Variants in VCAM1 observed in about 807,000 individuals in gnomAD.
The protein encoded by VCAM1 is vascular cell adhesion molecule 1, also known as vascular cell adhesion protein 1.
A neutral mutation model predicts 63.8 loss-of-function variants in VCAM1; 41 were observed. The ratio of observed to expected loss-of-function variants is 0.64; its 90% CI spans 0.50 to 0.83. VCAM1 has a LOEUF of 0.83. Ranked by LOEUF, VCAM1 falls within the 40% of genes least tolerant of loss-of-function variation. VCAM1 has a pLI of 0.00. For synonymous variants in VCAM1, 338 were observed against 320.7 expected (o/e 1.05, Z -0.58); for missense variants, 798 against 875.5 (o/e 0.91, Z 1.12).
rs745861809 is a variant in VCAM1 at position 100,724,757 on chromosome 1, G to A, written c.795G>A (p.Gly265=). The stretch of plus-strand genomic sequence containing the variant: ...TCTGGAGTAAGAAATTAGATAATGG[G>A]AATCTACAGCACCTTTCTGGAAATG... The part of the protein sequence containing the change: ...EIFWSKKLDN[G]NLQHLSGNAT... Residue 265 remains glycine (G), a synonymous_variant, in exon 4 of 9, where the codon GGG becomes GGA. Coordinates refer to ENST00000294728, the MANE Select transcript of VCAM1 (RefSeq NM_001078.4). 6.2e-7 allele frequency: 1 copy of A among 1,612,996 alleles called. No individual in the cohort carries two copies. The highest frequency in any genetic ancestry group is 8.5e-7 in the Non-Finnish European group (1 of 1,179,432).
Position 100,731,765 on chromosome 1 carries a change from A to C in VCAM1, c.1525+247A>C, listed in dbSNP as rs1660465390. Among the ~76,000 whole-genome samples the C allele has an allele frequency of 6.6e-6, 1 of 152,172 alleles. No individual in the cohort carries two copies. Among genetic ancestry groups the C allele is most frequent in the South Asian group, 2.1e-4 (1 of 4,828 alleles). On this transcript the variant is annotated intron_variant, in intron 6 of 8. Coordinates refer to ENST00000294728, the MANE Select transcript of VCAM1 (RefSeq NM_001078.4). This position sits in a 1 kb window ranked among gnomAD's most constrained non-coding sequence, Gnocchi z 4.2. ...GACCAGCTAGGCAGTTATTCTGTTC[A>C]ATATGGTATTAGCTGAGCTCACTCG...
Position 100,731,121 on chromosome 1 carries a change from C to T in VCAM1, c.1205-77C>T. Reference sequence around the variant, plus strand: ...TGACTTAAAGCTGTCATTTTTAGGCCTTTACATTTAATAAAGCTTAGCTCA... The same window carrying T: ...TGACTTAAAGCTGTCATTTTTAGGCTTTTACATTTAATAAAGCTTAGCTCA... On this transcript the variant is annotated intron_variant, in intron 5 of 8. Transcript: ENST00000294728. This position sits in a 1 kb window ranked among gnomAD's most constrained non-coding sequence, Gnocchi z 4.2. 1.4e-6 allele frequency: 2 copies of T among 1,447,620 alleles called. No individual in the cohort carries two copies. Among genetic ancestry groups the T allele is most frequent in the Non-Finnish European group, 1.8e-6 (2 of 1,084,342 alleles). 89.7% of individuals were successfully genotyped at this position (1,447,620 alleles called of 1,614,324 possible). A position where few individuals can be genotyped will look rare whatever the true frequency, so the allele number is the denominator to read the frequency against.
chr1:100,734,539 T>G lies in VCAM1; in HGVS notation c.1830T>G (p.Ser610=). The change falls in exon 8 of 9, where the codon TCT becomes TCG. Residue 610 remains serine, a synonymous_variant. Transcript: ENST00000294728. ...ACATAAAACTTACAGCTTTTCCTTCTGAGAGTGTCAAAGAAGGAGACACTG... is the reference window on the plus strand; with the variant it reads ...ACATAAAACTTACAGCTTTTCCTTCGGAGAGTGTCAAAGAAGGAGACACTG... The part of the protein sequence containing the change: ...PKDIKLTAFP[S]ESVKEGDTVI... 6.2e-7 allele frequency: 1 copy of G among 1,613,738 alleles called. No individual in the cohort carries two copies. Among genetic ancestry groups the G allele is most frequent in the Admixed American group, 1.7e-5 (1 of 59,946 alleles).
At chr1:100,720,899 G>A in intron 2 of VCAM1, 148 bp downstream of exon 2, 1 of 976,912 alleles carries the variant, frequency 1.0e-6, no homozygotes, top group Non-Finnish European at 1.4e-6. Flanking sequence ...GCTAGGGACA[G>A]CTAAGGCCAA....
chr1:100,720,001 G>A (rs1026365771), intron 1 of VCAM1, 77 bp downstream of exon 1: 2 of 1,495,904 alleles, frequency 1.3e-6, no homozygotes, highest in Non-Finnish European at 1.8e-6. Context: ...TCAGTTTTGC[G>A]ATAGTAGTGA....
intron 1 of VCAM1, among the ~76,000 whole-genome samples, 197 bp downstream of exon 1, chr1:100,720,121 A>G (rs555075908): frequency 1.3e-5 from 2 of 152,200 alleles, no homozygotes; most frequent in African/African-American, 4.8e-5. Context: ...AGAGCTGAAA[A>G]TTGATGTTTT....
In VCAM1 at chr1:100,732,503, G is replaced by C. The variant is rs1336485817; in HGVS notation, c.1611G>C (p.Gln537His). ...CTGTGAATATGACATGCTTGAGCCAGGGCTTTCCTGCTCCGAAAATCCTGT... is the reference window on the plus strand; with the variant it reads ...CTGTGAATATGACATGCTTGAGCCACGGCTTTCCTGCTCCGAAAATCCTGT... ...GSSVNMTCLS[Q>H]GFPAPKILWS... is the part of the protein sequence containing the mutation. Residue 537 changes from glutamine to histidine, a missense_variant, in exon 7 of 9, where the codon CAG becomes CAC. Coordinates refer to ENST00000294728, the MANE Select transcript of VCAM1 (RefSeq NM_001078.4). 2.5e-6 allele frequency: 4 copies of C among 1,613,172 alleles called. No individual in the cohort carries two copies. The highest frequency in any genetic ancestry group is 3.4e-6 in the Non-Finnish European group (4 of 1,179,640).
chr1:100,730,702 G>A (rs1342839023), intron 5 of VCAM1, among the ~76,000 whole-genome samples: 1 of 152,086 alleles, frequency 6.6e-6, no homozygotes, highest in Non-Finnish European at 1.5e-5. Context: ...TAGGTATAAT[G>A]TGTGAAGAAA....
At position 100,723,252 on chromosome 1, in the gene VCAM1, A is replaced by T. The variant is rs773850624; in HGVS notation, c.573A>T (p.Lys191Asn). ...CTCCTGTCATTGAGGATATTGGAAA[A>T]GTTCTTGTTTGCCGAGCTAAATTAC... ...TFTPVIEDIG[K>N]VLVCRAKLHI... Residue 191 changes from lysine to asparagine, a missense_variant, in exon 3 of 9, where the codon AAA (lysine) becomes AAT (asparagine). Transcript: ENST00000294728. 1.2e-6 allele frequency: 2 copies of T among 1,612,984 alleles called. No individual in the cohort carries two copies. Among genetic ancestry groups the T allele is most frequent in the African/African-American group, 1.3e-5 (1 of 74,828 alleles).
intron 7 of VCAM1, 131 bp from the exon 8 acceptor site, chr1:100,734,371 C>A (rs868333994): frequency 1.3e-4 from 121 of 967,928 alleles, no homozygotes; most frequent in Admixed American, 5.1e-4. Flanking sequence ...TCTTTACTTG[C>A]CCTTCTTAAC....
intron 2 of VCAM1, 100 bp downstream of exon 2, chr1:100,720,851 T>G (rs1659931774): frequency 8.2e-6 from 11 of 1,346,974 alleles, no homozygotes; most frequent in Non-Finnish European, 1.1e-5. Context: ...GATATTCATG[T>G]ACAGATTCTT....
rs1201815592 is a variant in VCAM1 at position 100,729,135 on chromosome 1, T to C, written c.957T>C (p.Pro319=). The C allele has an allele frequency of 1.2e-6, 2 of 1,605,116 alleles. No individual in the cohort carries two copies. Among genetic ancestry groups the C allele is most frequent in the South Asian group, 1.1e-5 (1 of 90,004 alleles). ...AACCATTTACTGTTGAGATCTCCCC[T>C]GGACCCCGGATTGCTGCTCAGATTG... ...QEKPFTVEIS[P]GPRIAAQIGD... is the part of the protein sequence containing the mutation. The change falls in exon 5 of 9, where the codon CCT becomes CCC. Residue 319 remains proline (P), a synonymous_variant. Coordinates refer to ENST00000294728, the MANE Select transcript of VCAM1 (RefSeq NM_001078.4).
intron 5 of VCAM1, among the ~76,000 whole-genome samples, chr1:100,729,674 A>G (rs953850052): frequency 8.5e-5 from 13 of 152,144 alleles, no homozygotes; most frequent in African/African-American, 3.1e-4. Context: ...CATTGGGGTC[A>G]GTGCCCATTC....
At chr1:100,721,077 A>G (rs1659936454) in intron 2 of VCAM1, among the ~76,000 whole-genome samples, 1 of 152,116 alleles carries the variant, frequency 6.6e-6, no homozygotes, top group Non-Finnish European at 1.5e-5. Context: ...ATTTGATTAC[A>G]TCCTTACATG....
intron 8 of VCAM1, chr1:100,736,142 A>T (rs1660638817): frequency 6.6e-6 from 1 of 152,126 alleles, no homozygotes; most frequent in Non-Finnish European, 1.5e-5. Flanking sequence ...CTGCTTCTCT[A>T]CTTTTTGACT....
Position 100,719,794 on chromosome 1 carries a change from C to G in VCAM1, c.-67C>G. On this transcript the variant is annotated 5_prime_UTR_variant, in exon 1 of 9. Coordinates refer to ENST00000294728, the MANE Select transcript of VCAM1 (RefSeq NM_001078.4). Reference sequence around the variant, plus strand: ...TTCAGGAGCTGAATACCCTCCCAGGCACACACAGGTGGGACACAAATAAGG... The same window carrying G: ...TTCAGGAGCTGAATACCCTCCCAGGGACACACAGGTGGGACACAAATAAGG... The G allele has an allele frequency of 6.5e-7, 1 of 1,542,516 alleles. No homozygotes were observed. The highest frequency in any genetic ancestry group is 1.7e-5 in the Admixed American group (1 of 57,668).
At chr1:100,722,746 T>C (rs1022839503) in intron 2 of VCAM1, among the ~76,000 whole-genome samples, 1 of 152,104 alleles carries the variant, frequency 6.6e-6, no homozygotes, top group African/African-American at 2.4e-5. Context: ...TAAGGTTCAA[T>C]ATAAACATTA....
rs556100970 is a variant in VCAM1 at position 100,731,385 on chromosome 1, A to G, written c.1392A>G (p.Lys464=). The change falls in exon 6 of 9, where the codon AAA becomes AAG. Residue 464 remains lysine, a synonymous_variant. Coordinates refer to ENST00000294728, the MANE Select transcript of VCAM1 (RefSeq NM_001078.4). This position sits in a 1 kb window ranked among gnomAD's most constrained non-coding sequence, Gnocchi z 4.2. The part of the protein sequence containing the change: ...EDTDMKSLEN[K]SLEMTFIPTI... ...CGGATATGAAATCTCTAGAGAACAAAAGTTTGGAAATGACCTTCATCCCTA... is the reference window on the plus strand; with the variant it reads ...CGGATATGAAATCTCTAGAGAACAAGAGTTTGGAAATGACCTTCATCCCTA... 6.2e-7 allele frequency: 1 copy of G among 1,613,854 alleles called. No homozygotes were observed. The highest frequency in any genetic ancestry group is 1.1e-5 in the South Asian group (1 of 91,080).
In VCAM1 at chr1:100,724,816, A is replaced by G; in HGVS notation, c.854A>G (p.Asp285Gly). ...ACCTTAATTGCTATGAGGATGGAAG[A>G]TTCTGGAATTTATGTGTGTGAAGGA... ...TLTLIAMRME[D>G]SGIYVCEGVN... Residue 285 changes from aspartate to glycine, a missense_variant, in exon 4 of 9, where the codon GAT (aspartate) becomes GGT (glycine). Transcript: ENST00000294728. 6.2e-7 allele frequency: 1 copy of G among 1,612,956 alleles called. No homozygotes were observed.
Sources: allele counts gnomAD v4.1 joint callset (sites outside exome capture counted in the v4.1 genomes callset), GRCh38; gene constraint gnomAD v4.1.1; non-coding constraint Gnocchi (gnomAD v3.1); transcripts MANE v1.5; gene names NCBI Gene and HGNC (gene_info 2026-07-23, HGNC 2026-07-21).